The following SLC35F3 variants were observed in gnomAD, a reference collection of about 807,000 sequenced individuals.
SLC35F3 encodes the protein solute carrier family 35 member F3.
A neutral mutation model predicts 49.9 loss-of-function variants in SLC35F3; 25 were observed. The observed-to-expected ratio is 0.50, with a 90% CI of 0.37 to 0.70. The LOEUF (loss-of-function observed/expected upper bound fraction) is 0.70, where lower values mean the gene tolerates loss of function less well. SLC35F3 is among the 30% of genes least tolerant of loss of function. The pLI is 0.00. For missense variants in SLC35F3, 525 were observed against 639.8 expected (o/e 0.82, Z 1.94); for synonymous variants, 275 against 265.4 (o/e 1.04, Z -0.35).
chr1:234,162,339 A>G (rs1159909856), intron 2 of SLC35F3, among the ~76,000 whole-genome samples: 1 of 122,982 alleles, frequency 8.1e-6, no homozygotes, highest in African/African-American at 2.8e-5. Context: ...AGTGAAGAGG[A>G]GGATTTCATG....
intron 2 of SLC35F3, among the ~76,000 whole-genome samples, chr1:234,217,471 G>C (rs756955243): frequency 6.6e-6 from 1 of 152,220 alleles, no homozygotes; most frequent in Non-Finnish European, 1.5e-5. Context: ...GTAAGTTCTG[G>C]TATCGAACTG....
chr1:234,091,937 T>A (rs559760164), intron 2 of SLC35F3, among the ~76,000 whole-genome samples: 1 of 152,330 alleles, frequency 6.6e-6, no homozygotes, highest in East Asian at 1.9e-4. Context: ...GAAGGGGAGC[T>A]TGCCCCACTG....
intron 2 of SLC35F3, among the ~76,000 whole-genome samples, chr1:234,078,731 G>A (rs1664833313): frequency 1.3e-5 from 2 of 152,034 alleles, no homozygotes; most frequent in East Asian, 1.9e-4. Flanking sequence ...CTTTTCTATG[G>A]CTAATTTTTT....
Position 233,944,780 on chromosome 1 carries a change from A to G in SLC35F3, c.283+39022A>G, listed in dbSNP as rs184343053. Among the ~76,000 whole-genome samples the G allele has an allele frequency of 3.1e-3, 474 of 152,358 alleles. 3 individuals are homozygous for G. Among genetic ancestry groups the G allele is most frequent in the African/African-American group, 0.011 (463 of 41,582 alleles). The stretch of plus-strand genomic sequence containing the variant: ...GAATTTAAAGTGCCCTGCTTGTTGC[A>G]GAAACTGGTACAAGTCTATTGCCAA... On this transcript the variant is annotated intron_variant, in intron 2 of 7. Coordinates refer to ENST00000366618, the MANE Select transcript of SLC35F3 (RefSeq NM_173508.4).
intron 3 of SLC35F3, among the ~76,000 whole-genome samples, chr1:234,247,983 G>A (rs1460302310): frequency 6.6e-6 from 1 of 152,290 alleles, no homozygotes; most frequent in Non-Finnish European, 1.5e-5. Flanking sequence ...CCATTGTTCA[G>A]TAGGTTGGTT....
intron 4 of SLC35F3, among the ~76,000 whole-genome samples, chr1:234,310,224 A>G (rs1487434596): frequency 6.6e-6 from 1 of 152,172 alleles, no homozygotes; most frequent in African/African-American, 2.4e-5. Flanking sequence ...TAGTTAGTGT[A>G]CAGCTTTCCC....
intron 3 of SLC35F3, among the ~76,000 whole-genome samples, chr1:234,302,796 T>C (rs1236653673): frequency 6.6e-6 from 1 of 152,142 alleles, no homozygotes; most frequent in Non-Finnish European, 1.5e-5. Context: ...ACTGTACCCC[T>C]CAAAGCTGTC....
chr1:233,940,811 G>GT (rs1662408232), intron 2 of SLC35F3, among the ~76,000 whole-genome samples: 1 of 150,712 alleles, frequency 6.6e-6, no homozygotes, highest in Admixed American at 6.6e-5. Context: ...TTTCTCTTTG[G>GT]TTTTCTGTGT....
chr1:234,081,673 A>G (rs1664877674), intron 2 of SLC35F3, among the ~76,000 whole-genome samples: 1 of 151,086 alleles, frequency 6.6e-6, no homozygotes, highest in Admixed American at 6.6e-5. Context: ...AAAAGAGAAT[A>G]CTCCATCAAA....
At chr1:234,245,973 G>A (rs114748154) in intron 3 of SLC35F3, among the ~76,000 whole-genome samples, 3,495 of 152,268 alleles carry the variant, frequency 0.023, 63 homozygotes, top group Non-Finnish European at 0.034. Flanking sequence ...CCAGTTTCAA[G>A]GGGGAGGGGG....
chr1:233,987,123 C>T (rs1187819872), intron 2 of SLC35F3, among the ~76,000 whole-genome samples: 3 of 148,958 alleles, frequency 2.0e-5, no homozygotes, highest in African/African-American at 7.6e-5. Flanking sequence ...CCCATCTCTA[C>T]CAAAAATACA....
chr1:234,259,748 A>G (rs899141370), intron 3 of SLC35F3, among the ~76,000 whole-genome samples: 10 of 151,906 alleles, frequency 6.6e-5, no homozygotes, highest in African/African-American at 2.4e-4. Context: ...TTAGGCAGGG[A>G]CAGGGTAATT....
chr1:234,177,637 CAGAGTTGTAGGG>C (rs1335080828), intron 2 of SLC35F3, among the ~76,000 whole-genome samples: 3 of 152,180 alleles, frequency 2.0e-5, no homozygotes, highest in African/African-American at 7.2e-5. Flanking sequence ...GAGGAACTTA[CAGAGTTGTAGGG>C]GCTCAGTTAG....
At chr1:233,994,103 T>C (rs1224518501) in intron 2 of SLC35F3, among the ~76,000 whole-genome samples, 2 of 152,174 alleles carry the variant, frequency 1.3e-5, no homozygotes, top group Non-Finnish European at 2.9e-5. Context: ...TTTGAAACAT[T>C]TGTTACTTTC....
chr1:234,065,798 G>T (rs903679232), intron 2 of SLC35F3, among the ~76,000 whole-genome samples: 3 of 152,128 alleles, frequency 2.0e-5, no homozygotes, highest in Non-Finnish European at 2.9e-5. Context: ...TATTTTTCTA[G>T]AACGAGTTTA....
At chr1:233,929,391 A>G (rs1375880030) in intron 2 of SLC35F3, among the ~76,000 whole-genome samples, 3 of 152,026 alleles carry the variant, frequency 2.0e-5, no homozygotes, top group Non-Finnish European at 4.4e-5. Context: ...GAAATGTACT[A>G]CTCTGTAAGT....
chr1:234,136,066 A>G (rs1665806180), intron 2 of SLC35F3, among the ~76,000 whole-genome samples: 1 of 152,218 alleles, frequency 6.6e-6, no homozygotes, highest in African/African-American at 2.4e-5. Flanking sequence ...AGAATATGAA[A>G]CAGAATCTCT....
intron 3 of SLC35F3, among the ~76,000 whole-genome samples, chr1:234,261,027 T>C (rs1200190643): frequency 2.0e-5 from 3 of 152,170 alleles, no homozygotes. Flanking sequence ...CGAAATTCTT[T>C]TTCCCTTAAA....
intron 2 of SLC35F3, among the ~76,000 whole-genome samples, chr1:234,194,521 C>T (rs547033104): frequency 1.3e-5 from 2 of 152,140 alleles, no homozygotes; most frequent in African/African-American, 4.8e-5. Flanking sequence ...ATGCATGCAC[C>T]AAAATCTCCC....
Sources: allele counts gnomAD v4.1 joint callset (sites outside exome capture counted in the v4.1 genomes callset), GRCh38; gene constraint gnomAD v4.1.1; transcripts MANE v1.5; gene names NCBI Gene and HGNC (gene_info 2026-07-23, HGNC 2026-07-21).